The following DNM3 variants were observed in gnomAD, a reference collection of about 807,000 sequenced individuals.
The protein encoded by DNM3 is dynamin 3.
DNM3 carries 47 observed loss-of-function variants against 101.6 expected under a neutral mutation model. The observed-to-expected ratio is 0.46, with a 90% CI of 0.37 to 0.59. The LOEUF is 0.59. Among genes scored for constraint, DNM3 ranks in the 20% least tolerant of loss-of-function variants. DNM3 has a pLI of 0.00. For missense variants in DNM3, 849 were observed against 1,085.7 expected (o/e 0.78, Z 3.06); for synonymous variants, 385 against 387.9 (o/e 0.99, Z 0.09).
chr1:172,188,611 G>A (rs1392252431), intron 14 of DNM3, among the ~76,000 whole-genome samples: 1 of 151,882 alleles, frequency 6.6e-6, no homozygotes, highest in Admixed American at 6.6e-5. Context: ...CAGTTTTTTG[G>A]CAATTATGAA....
At position 172,386,521 on chromosome 1, in the gene DNM3, A is replaced by G. The variant is rs570424513; in HGVS notation, c.2059-612A>G. Among the ~76,000 whole-genome samples the G allele has an allele frequency of 8.5e-5, 13 of 152,284 alleles. No homozygotes were observed. In the South Asian group the frequency reaches 2.7e-3, roughly 32 times the overall value. ...CACTGTTAACTAACTTCTATTGTAA[A>G]CTTCTGGAAAACAGAGTGCATCTCT... On this transcript the variant is annotated intron_variant, in intron 18 of 20. Coordinates refer to ENST00000627582, the MANE Select transcript of DNM3 (RefSeq NM_015569.5).
At chr1:172,138,351 CAAAAAAAAAAAAA>C (rs926351922) in intron 14 of DNM3, 13 of 60,234 alleles carry the variant, frequency 2.2e-4, no homozygotes, top group African/African-American at 7.7e-4. Context: ...TATCCCCTTC[CAAAAAAAAAAAAA>C]AAAAAAAAAA....
At chr1:172,177,733 C>T (rs1391576948) in intron 14 of DNM3, among the ~76,000 whole-genome samples, 1 of 151,812 alleles carries the variant, frequency 6.6e-6, no homozygotes, top group Non-Finnish European at 1.5e-5. Flanking sequence ...TCTGAGTGGA[C>T]TTATAGCCAA....
chr1:172,115,695 T>G (rs1017421003), intron 13 of DNM3, among the ~76,000 whole-genome samples: 1 of 152,218 alleles, frequency 6.6e-6, no homozygotes, highest in African/African-American at 2.4e-5. Context: ...TCCTCCATCC[T>G]GTTACACCAA....
At chr1:171,985,030 G>A (rs1393215430) in intron 2 of DNM3, among the ~76,000 whole-genome samples, 2 of 152,120 alleles carry the variant, frequency 1.3e-5, no homozygotes, top group African/African-American at 4.8e-5. Context: ...TTCCGGAAGG[G>A]CATGTTTCCT....
intron 1 of DNM3, among the ~76,000 whole-genome samples, chr1:171,847,791 G>A (rs2032346677): frequency 6.6e-6 from 1 of 151,998 alleles, no homozygotes; most frequent in Non-Finnish European, 1.5e-5. Context: ...TGGGAGGAGG[G>A]TAAAGGAGTT....
intron 15 of DNM3, among the ~76,000 whole-genome samples, chr1:172,291,247 TGTGTGTGTGCACACGCATACATGTGC>T (rs941102757): frequency 6.6e-6 from 1 of 152,092 alleles, no homozygotes; most frequent in African/African-American, 2.4e-5. Context: ...AGAGAAAGTG[TGTGTGTGTGCACACGCATACATGTGC>T]GTGTGTACAC....
chr1:172,325,615 C>G (rs1252612351), intron 17 of DNM3, among the ~76,000 whole-genome samples: 1 of 151,860 alleles, frequency 6.6e-6, no homozygotes, highest in African/African-American at 2.4e-5. Context: ...ATGGAAAATA[C>G]TGGAATACAA....
rs73033776 is a variant in DNM3 at position 171,947,100 on chromosome 1, T to C, written c.235+25279T>C. Among the ~76,000 whole-genome samples the C allele has an allele frequency of 8.1e-3, 1,227 of 152,276 alleles. 23 individuals carry two copies. Among genetic ancestry groups the C allele is most frequent in the African/African-American group, 0.028 (1,159 of 41,556 alleles). ...AGTTTGGTGAACTGTCCGTTACATA[T>C]TCATTTCAATTGGTGCAGTGGTGGG... On this transcript the variant is annotated intron_variant, in intron 2 of 20. Coordinates refer to ENST00000627582, the MANE Select transcript of DNM3 (RefSeq NM_015569.5).
At chr1:171,909,914 C>G (rs1298881001) in intron 1 of DNM3, among the ~76,000 whole-genome samples, 1 of 152,138 alleles carries the variant, frequency 6.6e-6, no homozygotes, top group Non-Finnish European at 1.5e-5. Flanking sequence ...TTTTAAGTGG[C>G]TAGAAATAAC....
chr1:172,116,614 A>T (rs1264206608), intron 13 of DNM3, among the ~76,000 whole-genome samples: 1 of 152,192 alleles, frequency 6.6e-6, no homozygotes, highest in African/African-American at 2.4e-5. Context: ...TAGCCACCTC[A>T]GCTCTATGAA....
At chr1:172,234,666 G>A (rs981751395) in intron 14 of DNM3, among the ~76,000 whole-genome samples, 9 of 151,962 alleles carry the variant, frequency 5.9e-5, no homozygotes, top group African/African-American at 2.2e-4. Flanking sequence ...AAACAGCATG[G>A]TACTGGTACC....
chr1:172,056,000 C>T (rs542783979), intron 10 of DNM3, among the ~76,000 whole-genome samples: 114 of 152,222 alleles, frequency 7.5e-4, no homozygotes, highest in African/African-American at 2.3e-3. Context: ...GTGCACGAGC[C>T]GAAGCAGGGT....
intron 1 of DNM3, among the ~76,000 whole-genome samples, chr1:171,850,081 G>A (rs1224759636): frequency 1.3e-5 from 2 of 152,180 alleles, no homozygotes; most frequent in Non-Finnish European, 2.9e-5. Flanking sequence ...AAAAACAATT[G>A]AGGAAGTCTA....
At chr1:171,847,597 A>T (rs1421281357) in intron 1 of DNM3, among the ~76,000 whole-genome samples, 3 of 152,188 alleles carry the variant, frequency 2.0e-5, no homozygotes, top group Non-Finnish European at 4.4e-5. Context: ...GTTAATTGAG[A>T]GTGGGATGGA....
intron 14 of DNM3, among the ~76,000 whole-genome samples, chr1:172,244,837 C>A (rs1462748395): frequency 6.6e-6 from 1 of 152,178 alleles, no homozygotes; most frequent in African/African-American, 2.4e-5. Context: ...CCATTTGACC[C>A]AACCATCCCA....
intron 13 of DNM3, among the ~76,000 whole-genome samples, chr1:172,117,054 A>T (rs1382944910): frequency 1.3e-5 from 2 of 152,070 alleles, no homozygotes; most frequent in Non-Finnish European, 2.9e-5. Flanking sequence ...AAAAATACAA[A>T]ATTAGCCAGG....
At chr1:172,048,798 A>T (rs1261679565) in intron 10 of DNM3, 48 bp downstream of exon 10, 4 of 1,590,198 alleles carry the variant, frequency 2.5e-6, no homozygotes, top group Non-Finnish European at 3.4e-6. Flanking sequence ...TGGTTTATCA[A>T]CATTCCCTAT....
chr1:172,056,403 GAA>G (rs1041838680), intron 10 of DNM3, among the ~76,000 whole-genome samples: 1 of 152,206 alleles, frequency 6.6e-6, no homozygotes, highest in Non-Finnish European at 1.5e-5. Context: ...CACAGACAAA[GAA>G]AAAGACAGCA....
Sources: allele counts gnomAD v4.1 joint callset (sites outside exome capture counted in the v4.1 genomes callset), GRCh38; gene constraint gnomAD v4.1.1; transcripts MANE v1.5; gene names NCBI Gene and HGNC (gene_info 2026-07-23, HGNC 2026-07-21).